SH2B1: variants seen among roughly 807,000 people sequenced by gnomAD.
SH2B1 encodes the protein SH2B adaptor protein 1.
A neutral mutation model predicts 62.6 loss-of-function variants in SH2B1; 15 were observed. The observed-to-expected ratio is 0.24, with a 90% CI of 0.16 to 0.37. The LOEUF is 0.37. Ranked by LOEUF, SH2B1 falls within the 10% of genes least tolerant of loss-of-function variation. The pLI is 1.00. For synonymous variants in SH2B1, 443 were observed against 438.0 expected (o/e 1.01, Z -0.14); for missense variants, 925 against 1,015.6 (o/e 0.91, Z 1.21).
chr16:28,852,460 T>A (rs1442854282), intron 1 of SH2B1, among the ~76,000 whole-genome samples: 1 of 86,692 alleles, frequency 1.2e-5, no homozygotes, highest in Non-Finnish European at 2.0e-5. Flanking sequence ...ACATATATAT[T>A]TATATATATA....
exon 1 of SH2B1, chr16:28,846,693 T>C (rs1010241644): frequency 2.8e-5 from 5 of 178,464 alleles, no homozygotes; most frequent in African/African-American, 1.2e-4. Context: ...GGGCTCGGGC[T>C]CCGGGAGGCA....
At chr16:28,863,534 G>A (rs950045303), upstream of SH2B1, 14 of 753,668 alleles carry the variant, frequency 1.9e-5, no homozygotes, top group Non-Finnish European at 2.9e-5. Flanking sequence ...CTAGCCCTCA[G>A]CCGGGCCCTG....
At position 28,870,798 on chromosome 16, in the gene SH2B1, G is replaced by A. The variant is rs534021415; in HGVS notation, c.1310-982G>A. Among the ~76,000 whole-genome samples the A allele has an allele frequency of 5.3e-5, 8 of 151,864 alleles. No individual in the cohort carries two copies. The South Asian group carries it at 6.2e-4, about 12-fold the overall frequency. ...TCCCTGGCTCAAGCCATCTTCCTGCGTCAGCGGCTTAAGGTGCTGGGACCA... is the reference window on the plus strand; with the variant it reads ...TCCCTGGCTCAAGCCATCTTCCTGCATCAGCGGCTTAAGGTGCTGGGACCA... On this transcript the variant is annotated intron_variant, in intron 4 of 7. Transcript: ENST00000684370.
chr16:28,866,892 C>G lies in SH2B1; in HGVS notation c.798C>G (p.Ala266=). 1 of 1,611,584 alleles carries G rather than the reference C, an allele frequency of 6.2e-7. No homozygotes were observed. The highest frequency in any genetic ancestry group is 8.5e-7 in the Non-Finnish European group (1 of 1,179,256). ...CTGAGGAGGCAGCCCCTGACCCAGCCGGAGTGGGCCGGGGAGGAGGGGTGG... is the reference window on the plus strand; with the variant it reads ...CTGAGGAGGCAGCCCCTGACCCAGCGGGAGTGGGCCGGGGAGGAGGGGTGG... ...MGAEEAAPDP[A]GVGRGGGVAG... The change falls in exon 1 of 8, where the codon GCC becomes GCG. Residue 266 remains alanine (A), a synonymous_variant. Transcript: ENST00000684370. The surrounding 1 kb of genome is among the most constrained non-coding windows in gnomAD (Gnocchi z 6.3).
intron 1 of SH2B1, among the ~76,000 whole-genome samples, chr16:28,855,847 G>A (rs1348343963): frequency 2.1e-5 from 3 of 145,142 alleles, no homozygotes; most frequent in African/African-American, 7.5e-5. Flanking sequence ...AGTAGAGATG[G>A]GGTTTCACTG....
At chr16:28,860,280 C>T (rs1360799144), upstream of SH2B1, among the ~76,000 whole-genome samples, 1 of 136,498 alleles carries the variant, frequency 7.3e-6, no homozygotes, top group African/African-American at 2.8e-5. Flanking sequence ...ACGATGGAGT[C>T]TTGCTCTGTC....
intron 1 of SH2B1, among the ~76,000 whole-genome samples, chr16:28,850,862 GAAA>G (rs565938904): frequency 1.4e-5 from 1 of 71,282 alleles, no homozygotes; most frequent in Non-Finnish European, 2.8e-5. Flanking sequence ...GACTCCATCT[GAAA>G]AAAAAAAAAA....
chr16:28,852,219 T>TAC (rs1491460162), intron 1 of SH2B1, among the ~76,000 whole-genome samples: 1 of 67,480 alleles, frequency 1.5e-5, no homozygotes, highest in South Asian at 8.5e-4. Context: ...TATATATATT[T>TAC]ACATATATAT....
Position 28,864,981 on chromosome 16 carries a change from G to C in SH2B1, c.-1114G>C, listed in dbSNP as rs1962605892. On this transcript the variant is annotated 5_prime_UTR_variant, in exon 1 of 8. Coordinates refer to ENST00000684370, the MANE Select transcript of SH2B1 (RefSeq NM_001387430.1). ...AAAACGGAGGCTCAGAGAGGACGTGGAATTTGTTCAAGATAACATCGCTCA... is the reference window on the plus strand; with the variant it reads ...AAAACGGAGGCTCAGAGAGGACGTGCAATTTGTTCAAGATAACATCGCTCA... 1.8e-6 allele frequency: 1 copy of C among 541,598 alleles called. No individual in the cohort carries two copies. Among genetic ancestry groups the C allele is most frequent in the African/African-American group, 2.1e-5 (1 of 48,698 alleles). 33.5% of individuals were successfully genotyped at this position (541,598 alleles called of 1,614,324 possible).
chr16:28,851,031 G>A (rs531216889), intron 1 of SH2B1, among the ~76,000 whole-genome samples: 15 of 146,686 alleles, frequency 1.0e-4, no homozygotes, highest in Non-Finnish European at 1.5e-4. Context: ...AAAATTAGCT[G>A]GGCATGGTGG....
intron 2 of SH2B1, among the ~76,000 whole-genome samples, chr16:28,868,457 T>C (rs1049827340): frequency 6.6e-6 from 1 of 151,896 alleles, no homozygotes; most frequent in African/African-American, 2.4e-5. Context: ...TTTTATTTTA[T>C]TTTTATTTTT....
chr16:28,861,384 G>A (rs1596616369), upstream of SH2B1, among the ~76,000 whole-genome samples: 1 of 151,984 alleles, frequency 6.6e-6, no homozygotes, highest in African/African-American at 2.4e-5. Context: ...GCCCGCCTCA[G>A]CCTCCCAGTG....
At chr16:28,851,806 C>T (rs988871563) in intron 1 of SH2B1, among the ~76,000 whole-genome samples, 11 of 150,370 alleles carry the variant, frequency 7.3e-5, no homozygotes, top group African/African-American at 1.7e-4. Context: ...TGGTGCCTCA[C>T]GCCTGTAATC....
At position 28,866,033 on chromosome 16, in the gene SH2B1, C is replaced by T. The variant is rs895414497; in HGVS notation, c.-62C>T. ...GCAGCTGCTGCCGCCCACCCCTCGT[C>T]TTCTGGCTGCCTCCCTCTTTGTGCC... On this transcript the variant is annotated 5_prime_UTR_variant, in exon 1 of 8. Transcript: ENST00000684370. This position sits in a 1 kb window ranked among gnomAD's most constrained non-coding sequence, Gnocchi z 6.3. The T allele has an allele frequency of 1.8e-5, 27 of 1,503,670 alleles. No homozygotes were observed. Among genetic ancestry groups the T allele is most frequent in the Admixed American group, 1.1e-4 (5 of 44,874 alleles). The allele number at this position is 1,503,670 out of a possible 1,614,324, so 93.1% of individuals were successfully genotyped here. A position where few individuals can be genotyped will look rare whatever the true frequency, so the allele number is the denominator to read the frequency against.
intron 4 of SH2B1, 59 bp from the exon 5 acceptor site, chr16:28,871,721 G>A: frequency 7.2e-7 from 1 of 1,398,372 alleles, no homozygotes; most frequent in East Asian, 2.3e-5. Context: ...GATGGGCCCA[G>A]GACAGTCCTT....
rs1328569332 is a variant in SH2B1, at chr16:28,873,262, G to A, written c.1898-185G>A. 1.9e-6 allele frequency: 3 copies of A among 1,607,956 alleles called. No individual in the cohort carries two copies. The highest frequency in any genetic ancestry group is 3.4e-5 in the Admixed American group (2 of 59,512). On this transcript the variant is annotated intron_variant, in intron 7 of 7. Transcript: ENST00000684370. The surrounding 1 kb of genome is among the most constrained non-coding windows in gnomAD (Gnocchi z 4.2). ...CACCCTCATGCCCTTCGGAGCGAGT[G>A]ACTGTGTGTAAGTGTGGTCCTCCTC... is the stretch of plus-strand genomic sequence containing the variant.
chr16:28,852,343 CATATATATTT>C (rs1202075020), intron 1 of SH2B1, among the ~76,000 whole-genome samples: 3 of 29,534 alleles, frequency 1.0e-4, no homozygotes, highest in East Asian at 8.1e-4. Flanking sequence ...TATATATTTA[CATATATATTT>C]ATATATATAT....
At chr16:28,853,450 A>G (rs1446216924) in intron 1 of SH2B1, among the ~76,000 whole-genome samples, 1 of 148,622 alleles carries the variant, frequency 6.7e-6, no homozygotes, top group Non-Finnish European at 1.5e-5. Context: ...TGATCCGCCC[A>G]CTTCAGCCTC....
chr16:28,872,366 T>C lies in SH2B1; in HGVS notation c.1690T>C (p.Tyr564His). 1.9e-6 allele frequency: 3 copies of C among 1,611,936 alleles called. No homozygotes were observed. The highest frequency in any genetic ancestry group is 2.5e-6 in the Non-Finnish European group (3 of 1,178,646). ...CCAGAGTGAGACAAGGCGGGGTGAA[T>C]ACGTCCTCACCTTCAACTTCCAGGG... is the stretch of plus-strand genomic sequence containing the variant. ...VRQSETRRGE[Y>H]VLTFNFQGKA... The change falls in exon 6 of 8, where the codon TAC becomes CAC. Residue 564 changes from tyrosine to histidine, a missense_variant. Coordinates refer to ENST00000684370, the MANE Select transcript of SH2B1 (RefSeq NM_001387430.1). This position sits in a 1 kb window ranked among gnomAD's most constrained non-coding sequence, Gnocchi z 5.3.
Sources: allele counts gnomAD v4.1 joint callset (sites outside exome capture counted in the v4.1 genomes callset), GRCh38; gene constraint gnomAD v4.1.1; non-coding constraint Gnocchi (gnomAD v3.1); transcripts MANE v1.5; gene names NCBI Gene and HGNC (gene_info 2026-07-23, HGNC 2026-07-21).